Variants in MLLT1 observed in about 807,000 individuals in gnomAD.
The protein encoded by MLLT1 is MLLT1 super elongation complex subunit, also known as protein ENL.
In MLLT1, 11 loss-of-function variants were observed where a neutral mutation model predicts 55.1. The ratio of observed to expected loss-of-function variants is 0.20; its 90% CI spans 0.13 to 0.33. The LOEUF (loss-of-function observed/expected upper bound fraction) is 0.33. MLLT1 is among the 10% of genes least tolerant of loss of function. MLLT1 has a pLI of 1.00. For missense variants in MLLT1, 536 were observed against 760.6 expected, an observed-to-expected ratio of 0.70 and a Z score of 3.47; for synonymous variants, 323 against 320.1, an observed-to-expected ratio of 1.01 and a Z score of -0.10.
rs2090779718 is a variant in MLLT1, at chr19:6,212,149, G to A, written c.*893C>T. 1.9e-6 allele frequency: 2 copies of A among 1,066,592 alleles called. No individual in the cohort carries two copies. The highest frequency in any genetic ancestry group is 2.3e-6 in the Non-Finnish European group (2 of 879,776). The allele number at this position is 1,066,592 out of a possible 1,614,324, so 66.1% of individuals were successfully genotyped here. A position where few individuals can be genotyped will look rare whatever the true frequency, so the allele number is the denominator to read the frequency against. ...CCGAGCCCCAGGGCGGCTGATGCGA[G>A]TCTGTCCGCGGAGACTGTTGGCGCT... On this transcript the variant is annotated 3_prime_UTR_variant, in exon 12 of 12. Transcript: ENST00000252674.
rs570806755 is a variant in MLLT1 at position 6,225,834 on chromosome 19, A to G, written c.546+1143T>C. 7.2e-5 allele frequency among the ~76,000 whole-genome samples: 11 copies of G among 152,326 alleles called. No individual in the cohort carries two copies. The South Asian group carries it at 2.3e-3, about 32-fold the overall frequency. ...CTACGCAGGGTTTTAGGTGGCTTGAAGTGACCCGTACAGAAGAAATCTTGT... is the reference window on the plus strand; with the variant it reads ...CTACGCAGGGTTTTAGGTGGCTTGAGGTGACCCGTACAGAAGAAATCTTGT... On this transcript the variant is annotated intron_variant, in intron 5 of 11. Transcript: ENST00000252674.
chr19:6,260,187 G>C (rs1040026969), intron 3 of MLLT1, among the ~76,000 whole-genome samples: 1 of 151,732 alleles, frequency 6.6e-6, no homozygotes, highest in Non-Finnish European at 1.5e-5. Flanking sequence ...CTGCCCTCTC[G>C]ACACCCCCAC....
At position 6,262,261 on chromosome 19, in the gene MLLT1, G is replaced by A. The variant is rs185572759; in HGVS notation, c.243C>T (p.Phe81=). The A allele has an allele frequency of 2.9e-5, 46 of 1,614,006 alleles. No homozygotes were observed. In the East Asian group the frequency reaches 9.4e-4, roughly 33 times the overall value. ...YKVEESGYAG[F]IMPIEVHFKN... The stretch of plus-strand genomic sequence containing the variant: ...TGAAGTGCACCTCGATGGGCATGAT[G>A]AAGCCAGCGTACCCCGACTCCTCTA... The change falls in exon 3 of 12, where the codon TTC becomes TTT. Residue 81 remains phenylalanine (F), a synonymous_variant. Transcript: ENST00000252674. The surrounding 1 kb of genome is among the most constrained non-coding windows in gnomAD (Gnocchi z 4.4).
chr19:6,244,877 C>T (rs964633819), intron 3 of MLLT1, among the ~76,000 whole-genome samples: 1 of 152,086 alleles, frequency 6.6e-6, no homozygotes, highest in African/African-American at 2.4e-5. Context: ...CAAATCAAAA[C>T]CTAACCAGGT....
chr19:6,236,907 T>C (rs931851754), intron 3 of MLLT1, among the ~76,000 whole-genome samples: 4 of 152,214 alleles, frequency 2.6e-5, no homozygotes, highest in African/African-American at 7.2e-5. Context: ...CTAATGTCAG[T>C]AGCCTCCTAG....
intron 3 of MLLT1, among the ~76,000 whole-genome samples, chr19:6,245,272 T>C (rs1486963794): frequency 2.1e-5 from 3 of 140,092 alleles, no homozygotes; most frequent in Non-Finnish European, 4.6e-5. Context: ...TTTTTTTTTT[T>C]AAAGAGATGG....
At chr19:6,239,530 C>T (rs1318689267) in intron 3 of MLLT1, among the ~76,000 whole-genome samples, 4 of 152,174 alleles carry the variant, frequency 2.6e-5, no homozygotes, top group South Asian at 2.1e-4. Flanking sequence ...GTCACACTCA[C>T]GCCCACACAT....
rs765566757 is a variant in MLLT1 at position 6,262,219 on chromosome 19, G to A, written c.276+9C>T. ...GAGGCATCCTGCTTGCTCCCCTCAG[G>A]GATCCTACCTTGTTTTTGAAGTGCA... is the stretch of plus-strand genomic sequence containing the variant. On this transcript the variant is annotated intron_variant, in intron 3 of 11. Transcript: ENST00000252674. The surrounding 1 kb of genome is among the most constrained non-coding windows in gnomAD (Gnocchi z 4.4). The A allele has an allele frequency of 6.2e-7, 1 of 1,612,574 alleles. No homozygotes were observed. The highest frequency in any genetic ancestry group is 8.5e-7 in the Non-Finnish European group (1 of 1,178,976).
At chr19:6,258,271 A>T (rs1237443289) in intron 3 of MLLT1, among the ~76,000 whole-genome samples, 2 of 152,128 alleles carry the variant, frequency 1.3e-5, no homozygotes, top group African/African-American at 4.8e-5. Context: ...GAATGGATAA[A>T]CAGAAAATGG....
chr19:6,257,163 GA>G (rs1210296362), intron 3 of MLLT1, among the ~76,000 whole-genome samples: 1 of 152,228 alleles, frequency 6.6e-6, no homozygotes, highest in East Asian at 1.9e-4. Context: ...AGCGACAAGA[GA>G]AAACAGATAA....
At chr19:6,268,465 C>G (rs2091367393) in intron 2 of MLLT1, among the ~76,000 whole-genome samples, 1 of 152,130 alleles carries the variant, frequency 6.6e-6, no homozygotes, top group Non-Finnish European at 1.5e-5. Flanking sequence ...GGAGGGAGGA[C>G]TAAGGAGGCC....
chr19:6,259,705 C>G (rs758635275), intron 3 of MLLT1: 1 of 150,080 alleles, frequency 6.7e-6, no homozygotes, highest in African/African-American at 2.5e-5. Context: ...GGGAGCGCTG[C>G]GATTCTCAGC....
At chr19:6,214,952 G>A (rs1336037930) in intron 8 of MLLT1, among the ~76,000 whole-genome samples, 1 of 152,150 alleles carries the variant, frequency 6.6e-6, no homozygotes, top group African/African-American at 2.4e-5. Context: ...GCCTCAGGCT[G>A]GGGCCACTCT....
rs2091446835 is a variant in MLLT1 at position 6,279,575 on chromosome 19, T to C, written c.12+198A>G. Among the ~76,000 whole-genome samples, 9 of 150,174 alleles carry C rather than the reference T, an allele frequency of 6.0e-5. No homozygotes were observed. The South Asian group carries it at 1.9e-3, about 32-fold the overall frequency. ...CGGGCCCGGCCCGGGTCCCGAAGGG[T>C]GTCCGAGGCGCCCTGGCCGGGGTCG... On this transcript the variant is annotated intron_variant, in intron 1 of 11. Coordinates refer to ENST00000252674, the MANE Select transcript of MLLT1 (RefSeq NM_005934.4).
intron 3 of MLLT1, among the ~76,000 whole-genome samples, chr19:6,255,639 A>G (rs983521882): frequency 5.3e-5 from 8 of 152,250 alleles, no homozygotes; most frequent in African/African-American, 1.7e-4. Context: ...TGAAAACTTA[A>G]TATTGTTAAG....
chr19:6,253,886 G>A (rs2091238370), intron 3 of MLLT1, among the ~76,000 whole-genome samples: 1 of 152,186 alleles, frequency 6.6e-6, no homozygotes, highest in South Asian at 2.1e-4. Flanking sequence ...GCACCGAGCT[G>A]CTAAAACACT....
chr19:6,279,670 G>A (rs1319362897), intron 1 of MLLT1, 103 bp downstream of exon 1: 1 of 150,530 alleles, frequency 6.6e-6, no homozygotes, highest in Admixed American at 6.6e-5. Flanking sequence ...AAAGCGGGCG[G>A]GCGGGCGCGG....
intron 3 of MLLT1, among the ~76,000 whole-genome samples, chr19:6,243,238 C>T (rs984543368): frequency 6.6e-6 from 1 of 152,120 alleles, no homozygotes. Context: ...TCAGTGGGGG[C>T]CCCCACCCCG....
chr19:6,277,072 C>T (rs557474772), intron 1 of MLLT1, among the ~76,000 whole-genome samples: 4 of 152,316 alleles, frequency 2.6e-5, no homozygotes, highest in South Asian at 2.1e-4. Context: ...CTAGTGGGAG[C>T]GGAAGCCCGG....
Sources: gnomAD v4.1 joint callset for allele counts (sites outside exome capture counted in the v4.1 genomes callset) on GRCh38, gnomAD v4.1.1 for gene constraint, Gnocchi (gnomAD v3.1) non-coding constraint, MANE v1.5 for transcripts, NCBI Gene and HGNC (gene_info 2026-07-23, HGNC 2026-07-21) for gene names.